The following MGAT4C variants were observed in gnomAD, a reference collection of about 807,000 sequenced individuals.
MGAT4C encodes the protein alpha-1,3-mannosyl-glycoprotein 4-beta-N-acetylglucosaminyltransferase C.
A neutral mutation model predicts 40.1 loss-of-function variants in MGAT4C; 19 were observed. The observed-to-expected ratio is 0.47, with a 90% confidence interval of 0.33 to 0.70. The LOEUF (loss-of-function observed/expected upper bound fraction) is 0.70, where lower values mean the gene tolerates loss of function less well. MGAT4C is among the 30% of genes least tolerant of loss of function. MGAT4C has a pLI of 0.02. For synonymous variants in MGAT4C, 181 were observed against 187.1 expected, an observed-to-expected ratio of 0.97 and a Z score of 0.27; for missense variants, 491 against 563.2, an observed-to-expected ratio of 0.87 and a Z score of 1.30.
intron 1 of MGAT4C, among the ~76,000 whole-genome samples, chr12:86,250,426 C>T (rs984635999): frequency 2.0e-5 from 3 of 150,364 alleles, no homozygotes; most frequent in Admixed American, 6.6e-5. Flanking sequence ...GAATACAGAA[C>T]GTCATGAGTA....
chr12:86,503,977 CAATT>C (rs767815707), intron 2 of MGAT4C, among the ~76,000 whole-genome samples: 7 of 150,898 alleles, frequency 4.6e-5, no homozygotes, highest in African/African-American at 1.2e-4. Flanking sequence ...AAAATAAAGA[CAATT>C]GATGATATAA....
intron 3 of MGAT4C, among the ~76,000 whole-genome samples, chr12:86,372,156 A>T (rs1325116504): frequency 6.6e-6 from 1 of 151,950 alleles, no homozygotes; most frequent in East Asian, 1.9e-4. Flanking sequence ...ATAGCTAACC[A>T]TTTATTTGAA....
chr12:86,336,395 G>A (rs1954794419), intron 3 of MGAT4C, among the ~76,000 whole-genome samples: 1 of 152,106 alleles, frequency 6.6e-6, no homozygotes, highest in South Asian at 2.1e-4. Context: ...TTAACTCTAA[G>A]TGCAATTTTT....
intron 1 of MGAT4C, among the ~76,000 whole-genome samples, chr12:86,114,327 C>T (rs373842778): frequency 2.2e-4 from 34 of 151,788 alleles, no homozygotes; most frequent in East Asian, 1.9e-3. Flanking sequence ...GGTATGAATT[C>T]TTATTATTGT....
At chr12:86,497,826 A>C (rs1408026154) in intron 2 of MGAT4C, among the ~76,000 whole-genome samples, 4 of 148,046 alleles carry the variant, frequency 2.7e-5, no homozygotes, top group African/African-American at 9.8e-5. Flanking sequence ...CTCTATGCAA[A>C]TTCTTTTTCT....
intron 1 of MGAT4C, among the ~76,000 whole-genome samples, chr12:86,779,861 A>C (rs1951808529): frequency 6.6e-6 from 1 of 151,950 alleles, no homozygotes; most frequent in African/African-American, 2.4e-5. Context: ...TGCTGTGAGC[A>C]GAGATTGCGC....
intron 1 of MGAT4C, among the ~76,000 whole-genome samples, chr12:86,799,436 C>T (rs1382783261): frequency 1.3e-5 from 2 of 151,760 alleles, no homozygotes; most frequent in Non-Finnish European, 2.9e-5. Context: ...GCATTATTTC[C>T]TATGTGGATA....
At chr12:86,066,213 A>C (rs1894527740) in intron 1 of MGAT4C, among the ~76,000 whole-genome samples, 1 of 152,200 alleles carries the variant, frequency 6.6e-6, no homozygotes, top group Non-Finnish European at 1.5e-5. Context: ...AAACTACTTT[A>C]AATTTCATAT....
At position 86,649,758 on chromosome 12, in the gene MGAT4C, A is replaced by C. The variant is rs576299021; in HGVS notation, c.-229+77451T>G. Among the ~76,000 whole-genome samples, 13 of 151,994 alleles carry C rather than the reference A, an allele frequency of 8.6e-5. No homozygotes were observed. The East Asian group carries it at 2.5e-3, about 30-fold the overall frequency. ...TGTATTCTTTTAAAACTTTGAACCC[A>C]AAATCCTGTAAAATATCAAGATCTT... On this transcript the variant is annotated intron_variant, in intron 2 of 7. Transcript: ENST00000548651.
intron 1 of MGAT4C, among the ~76,000 whole-genome samples, chr12:86,143,090 T>C (rs958932722): frequency 6.6e-6 from 1 of 152,166 alleles, no homozygotes; most frequent in Admixed American, 6.5e-5. Context: ...ACCTTAATCA[T>C]GGCCTTTCAG....
intron 1 of MGAT4C, among the ~76,000 whole-genome samples, chr12:86,119,981 G>T (rs996321238): frequency 6.6e-6 from 1 of 151,656 alleles, no homozygotes; most frequent in South Asian, 2.1e-4. Flanking sequence ...GGCATATCAT[G>T]AATTAAATTG....
chr12:86,771,686 A>ATGTGTGTGTGTGTGTG (rs59917182), intron 1 of MGAT4C, among the ~76,000 whole-genome samples: 2 of 146,756 alleles, frequency 1.4e-5, no homozygotes, highest in Non-Finnish European at 3.0e-5. Context: ...ATAAATATAT[A>ATGTGTGTGTGTGTGTG]TGTGTGTGTG....
rs184017613 is a variant in MGAT4C, at chr12:86,209,140, T to C, written c.-57+47099A>G. Among the ~76,000 whole-genome samples the C allele has an allele frequency of 3.1e-3, 473 of 152,212 alleles. 3 individuals are homozygous for C. The highest frequency in any genetic ancestry group is 0.011 in the African/African-American group (451 of 41,554). ...GGCTTAACAAAAATGGATGATATTC[T>C]TTGCATATAATTTTTAGAAGAACTC... On this transcript the variant is annotated intron_variant, in intron 1 of 4. Coordinates refer to ENST00000611864, the MANE Select transcript of MGAT4C (RefSeq NM_001351288.2).
chr12:86,116,606 A>G (rs965224161), intron 1 of MGAT4C, among the ~76,000 whole-genome samples: 1 of 152,158 alleles, frequency 6.6e-6, no homozygotes, highest in South Asian at 2.1e-4. Flanking sequence ...TTACAAGTAG[A>G]TCTAATCACA....
intron 1 of MGAT4C, among the ~76,000 whole-genome samples, chr12:86,251,131 GTT>G (rs5799770): frequency 0.59 from 81,475 of 138,066 alleles, 23,834 homozygotes; most frequent in South Asian, 0.72. Context: ...TTTATTTCCC[GTT>G]TTTTTTTTTT....
chr12:85,999,608 T>TAC lies in MGAT4C; in HGVS notation c.-6-10058_-6-10057dup, dbSNP rs1491589458. Reference sequence around the variant, plus strand: ...GTATATATATATATATATATATATATACATACACAATGGAATACTATTTAG... The same window carrying TAC: ...GTATATATATATATATATATATATATACACATACACAATGGAATACTATTTAG... On this transcript the variant is annotated intron_variant, in intron 2 of 4. Transcript: ENST00000611864. Among the ~76,000 whole-genome samples, 306 of 141,954 alleles carry TAC rather than the reference T, an allele frequency of 2.2e-3. 1 individual carries two copies. The highest frequency in any genetic ancestry group is 7.1e-3 in the African/African-American group (276 of 38,974). 93.1% of individuals were successfully genotyped at this position (141,954 alleles called of 152,430 possible). A position where few individuals can be genotyped will look rare whatever the true frequency, so the allele number is the denominator to read the frequency against.
intron 2 of MGAT4C, among the ~76,000 whole-genome samples, chr12:86,584,711 T>G (rs1319562935): frequency 6.6e-6 from 1 of 151,364 alleles, no homozygotes; most frequent in Non-Finnish European, 1.5e-5. Flanking sequence ...TAAACGAATT[T>G]CACAAAGTTT....
chr12:86,178,216 A>G (rs112955022), intron 1 of MGAT4C, among the ~76,000 whole-genome samples: 10,558 of 152,280 alleles, frequency 0.069, 568 homozygotes, highest in Admixed American at 0.15. Flanking sequence ...GATTACAGGC[A>G]TGAGCTACTG....
intron 1 of MGAT4C, among the ~76,000 whole-genome samples, chr12:86,837,725 T>C (rs879904422): frequency 1.4e-4 from 21 of 152,106 alleles, no homozygotes; most frequent in Admixed American, 1.4e-3. Context: ...GCCCTAATAC[T>C]ACATGTTTAT....
Sources: gnomAD v4.1 joint callset for allele counts (sites outside exome capture counted in the v4.1 genomes callset) on GRCh38, gnomAD v4.1.1 for gene constraint, MANE v1.5 for transcripts, NCBI Gene and HGNC (gene_info 2026-07-23, HGNC 2026-07-21) for gene names.